TDRD5: variants seen among roughly 807,000 people sequenced by gnomAD.
TDRD5 encodes the protein tudor domain containing 5.
A neutral mutation model predicts 120.6 loss-of-function variants in TDRD5; 41 were observed. That is an observed-to-expected ratio of 0.34 (90% CI 0.26 to 0.44). The LOEUF is 0.44. TDRD5 is among the 20% of genes least tolerant of loss of function. The pLI is 1.00. For missense variants in TDRD5, 1,006 were observed against 1,221.2 expected (o/e 0.82, Z 2.63); for synonymous variants, 430 against 433.7 (o/e 0.99, Z 0.11).
At chr1:179,638,158 T>TTTGGGGGACTCTGTTGCTAGA (rs1553327630) in intron 9 of TDRD5, among the ~76,000 whole-genome samples, 7 of 132,392 alleles carry the variant, frequency 5.3e-5, no homozygotes, top group African/African-American at 5.3e-5. Context: ...CATGGGAAGA[T>TTTGGGGGACTCTGTTGCTAGA]GTTTTCTCTT....
intron 7 of TDRD5, among the ~76,000 whole-genome samples, chr1:179,632,275 T>C (rs1322408818): frequency 6.6e-6 from 1 of 152,168 alleles, no homozygotes; most frequent in Non-Finnish European, 1.5e-5. Context: ...TAAGAAATAA[T>C]ACACTATGAT....
At position 179,676,574 on chromosome 1, in the gene TDRD5, G is replaced by T. The variant is rs574440979; in HGVS notation, c.2860+7170G>T. On this transcript the variant is annotated intron_variant, in intron 17 of 17. Coordinates refer to ENST00000444136, the MANE Select transcript of TDRD5 (RefSeq NM_001199085.3). Reference sequence around the variant, plus strand: ...TGGCGAAGTCTCTCAGCATTTGTTTGTTTGGAAAAGACTATCTTTCCTTCA... The same window carrying T: ...TGGCGAAGTCTCTCAGCATTTGTTTTTTTGGAAAAGACTATCTTTCCTTCA... Among the ~76,000 whole-genome samples the T allele has an allele frequency of 1.7e-4, 26 of 152,258 alleles. No individual in the cohort carries two copies. In the South Asian group the frequency reaches 5.4e-3, roughly 32 times the overall value.
intron 16 of TDRD5, among the ~76,000 whole-genome samples, chr1:179,665,469 C>G (rs1234457504): frequency 6.6e-6 from 1 of 152,162 alleles, no homozygotes; most frequent in Non-Finnish European, 1.5e-5. Context: ...GGACATTCAG[C>G]TGTACCAGCA....
In TDRD5 at chr1:179,634,392, T is replaced by G. The variant is rs1677641851; in HGVS notation, c.1127-65T>G. The G allele has an allele frequency of 2.6e-6, 4 of 1,513,422 alleles. No individual in the cohort carries two copies. In the African/African-American group the frequency reaches 4.2e-5, roughly 16 times the overall value. 93.7% of individuals were successfully genotyped at this position (1,513,422 alleles called of 1,614,324 possible). On this transcript the variant is annotated intron_variant, in intron 7 of 17. Transcript: ENST00000444136. ...GGTTGTATAGCTATTTTAACAAATATGCATAGGCTGCTCTATTGGCCATTT... is the reference window on the plus strand; with the variant it reads ...GGTTGTATAGCTATTTTAACAAATAGGCATAGGCTGCTCTATTGGCCATTT...
intron 4 of TDRD5, among the ~76,000 whole-genome samples, chr1:179,609,119 C>T (rs1041148316): frequency 6.6e-6 from 1 of 151,924 alleles, no homozygotes; most frequent in Non-Finnish European, 1.5e-5. Flanking sequence ...TGAGAAAAGG[C>T]CATATAAGTA....
chr1:179,654,205 A>T lies in TDRD5; in HGVS notation c.2165A>T (p.Asp722Val). ...ATTCTCTTTCATATCTACTAGCAAGATATTAATGATGAAAAGTCTTTAAGT... is the reference window on the plus strand; with the variant it reads ...ATTCTCTTTCATATCTACTAGCAAGTTATTAATGATGAAAAGTCTTTAAGT... ...SKESELRILQ[D>V]INDEKSLSHL... is the part of the protein sequence containing the mutation. The change falls in exon 14 of 18, where the codon GAT becomes GTT. Residue 722 changes from aspartate (D) to valine (V), a missense_variant. Coordinates refer to ENST00000444136, the MANE Select transcript of TDRD5 (RefSeq NM_001199085.3). 6.5e-7 allele frequency: 1 copy of T among 1,532,392 alleles called. No individual in the cohort carries two copies. 94.9% of individuals were successfully genotyped at this position (1,532,392 alleles called of 1,614,324 possible). A position where few individuals can be genotyped will look rare whatever the true frequency, so the allele number is the denominator to read the frequency against.
intron 4 of TDRD5, among the ~76,000 whole-genome samples, chr1:179,603,766 C>G (rs12087901): frequency 0.085 from 12,965 of 152,008 alleles, 711 homozygotes; most frequent in African/African-American, 0.14. Context: ...TATGTTGTTG[C>G]ATTTGGTTAG....
chr1:179,641,460 G>T (rs1020346285), intron 11 of TDRD5, among the ~76,000 whole-genome samples: 3 of 151,916 alleles, frequency 2.0e-5, no homozygotes, highest in Non-Finnish European at 2.9e-5. Context: ...AACCCGGGAG[G>T]CGGAGGTTGC....
chr1:179,609,695 A>G (rs904490163), intron 4 of TDRD5, among the ~76,000 whole-genome samples: 3 of 152,136 alleles, frequency 2.0e-5, no homozygotes, highest in African/African-American at 4.8e-5. Context: ...TTACCTTTCT[A>G]AGGATTGACT....
At chr1:179,645,349 T>G (rs1325729333) in intron 11 of TDRD5, among the ~76,000 whole-genome samples, 2 of 152,042 alleles carry the variant, frequency 1.3e-5, no homozygotes, top group Non-Finnish European at 2.9e-5. Context: ...CCTCCCAAAG[T>G]GCTGGGATTA....
At chr1:179,642,527 T>G (rs1678109524) in intron 11 of TDRD5, among the ~76,000 whole-genome samples, 1 of 152,206 alleles carries the variant, frequency 6.6e-6, no homozygotes, top group Non-Finnish European at 1.5e-5. Flanking sequence ...CAAATGTTAT[T>G]TCCTCAAAAA....
At chr1:179,687,326 G>T (rs891233550) in intron 17 of TDRD5, among the ~76,000 whole-genome samples, 1 of 152,198 alleles carries the variant, frequency 6.6e-6, no homozygotes, top group Non-Finnish European at 1.5e-5. Flanking sequence ...GGAGCAAGTT[G>T]TTCAGTTTCC....
At chr1:179,597,546 G>C (rs934982943) in intron 4 of TDRD5, among the ~76,000 whole-genome samples, 1 of 151,744 alleles carries the variant, frequency 6.6e-6, no homozygotes, top group East Asian at 1.9e-4. Context: ...TGGTCAGGCC[G>C]GTCTTGAACT....
chr1:179,597,402 G>T (rs1675457869), intron 4 of TDRD5, among the ~76,000 whole-genome samples: 1 of 149,240 alleles, frequency 6.7e-6, no homozygotes, highest in African/African-American at 2.5e-5. Flanking sequence ...TGCGATCTCG[G>T]CTCACTGCAA....
chr1:179,598,476 G>GT (rs1352708335), intron 4 of TDRD5, among the ~76,000 whole-genome samples: 1 of 152,156 alleles, frequency 6.6e-6, no homozygotes, highest in African/African-American at 2.4e-5. Context: ...CATCTTAACA[G>GT]TATCAAGTCT....
At chr1:179,627,902 G>GT (rs1236020374) in intron 6 of TDRD5, among the ~76,000 whole-genome samples, 1 of 152,132 alleles carries the variant, frequency 6.6e-6, no homozygotes, top group African/African-American at 2.4e-5. Flanking sequence ...CATCTATAGA[G>GT]TGTTCCAACT....
At chr1:179,629,518 A>G (rs1188517029) in intron 6 of TDRD5, among the ~76,000 whole-genome samples, 1 of 152,228 alleles carries the variant, frequency 6.6e-6, no homozygotes, top group Non-Finnish European at 1.5e-5. Context: ...GTCTCTTTAG[A>G]TGTAGCAGGT....
In TDRD5 at chr1:179,592,795, G is replaced by A. The variant is rs758414840; in HGVS notation, c.180G>A (p.Met60Ile). 1.2e-6 allele frequency: 2 copies of A among 1,614,192 alleles called. No individual in the cohort carries two copies. The highest frequency in any genetic ancestry group is 3.3e-5 in the Admixed American group (2 of 60,026). The change falls in exon 2 of 18, where the codon ATG (methionine) becomes ATA (isoleucine). Residue 60 changes from methionine to isoleucine, a missense_variant. Coordinates refer to ENST00000444136, the MANE Select transcript of TDRD5 (RefSeq NM_001199085.3). ...YRSTMELVLDMPDVVRVCPGA... is the reference protein window; with the variant it reads ...YRSTMELVLDIPDVVRVCPGA... Reference sequence around the variant, plus strand: ...CCACTATGGAGCTGGTATTGGACATGCCTGATGTTGTTCGTGTCTGCCCCG... The same window carrying A: ...CCACTATGGAGCTGGTATTGGACATACCTGATGTTGTTCGTGTCTGCCCCG...
intron 14 of TDRD5, among the ~76,000 whole-genome samples, chr1:179,654,879 A>G (rs963801795): frequency 2.0e-5 from 3 of 152,228 alleles, no homozygotes; most frequent in African/African-American, 7.2e-5. Flanking sequence ...TGTGTTAGTT[A>G]ATATCCTGTG....
Sources: allele counts gnomAD v4.1 joint callset (sites outside exome capture counted in the v4.1 genomes callset), GRCh38; gene constraint gnomAD v4.1.1; transcripts MANE v1.5; gene names NCBI Gene and HGNC (gene_info 2026-07-23, HGNC 2026-07-21).